AGBL4: variants seen among roughly 807,000 people sequenced by gnomAD.
AGBL4 encodes AGBL carboxypeptidase 4.
Under a neutral mutation model 66.4 loss-of-function variants are expected in AGBL4, and 58 were observed. That is an observed-to-expected ratio of 0.87 (90% CI 0.71 to 1.09). AGBL4 has a LOEUF of 1.09. Ranked by LOEUF, AGBL4 falls within the 50% of genes least tolerant of loss-of-function variation. The pLI is 0.00. For synonymous variants in AGBL4, 234 were observed against 222.9 expected (o/e 1.05, Z -0.44); for missense variants, 579 against 631.0 (o/e 0.92, Z 0.88).
chr1:48,784,311 G>C (rs1645362265), intron 6 of AGBL4, among the ~76,000 whole-genome samples: 1 of 152,052 alleles, frequency 6.6e-6, no homozygotes, highest in African/African-American at 2.4e-5. Context: ...CACAGAGTGG[G>C]GGTGTCCAAT....
intron 3 of AGBL4, among the ~76,000 whole-genome samples, chr1:49,501,082 T>C (rs1648110714): frequency 6.6e-6 from 1 of 152,128 alleles, no homozygotes; most frequent in Admixed American, 6.6e-5. Context: ...TAGAGATCTT[T>C]CACCTTCTTG....
chr1:49,575,868 C>G (rs1571084273), intron 3 of AGBL4, among the ~76,000 whole-genome samples: 1 of 152,180 alleles, frequency 6.6e-6, no homozygotes, highest in Non-Finnish European at 1.5e-5. Context: ...GTGTCATAAT[C>G]TTATTTGGAG....
At chr1:49,328,769 A>G (rs766051673) in intron 3 of AGBL4, among the ~76,000 whole-genome samples, 1 of 152,104 alleles carries the variant, frequency 6.6e-6, no homozygotes, top group African/African-American at 2.4e-5. Flanking sequence ...GTGAATAGCC[A>G]TTCACCCTCC....
chr1:49,907,165 G>C (rs1472931982), intron 1 of AGBL4, among the ~76,000 whole-genome samples: 1 of 151,946 alleles, frequency 6.6e-6, no homozygotes, highest in African/African-American at 2.4e-5. Flanking sequence ...ATATACAAAA[G>C]GTTGTAATTC....
At chr1:49,625,532 C>T (rs1225425549) in intron 3 of AGBL4, among the ~76,000 whole-genome samples, 2 of 152,166 alleles carry the variant, frequency 1.3e-5, no homozygotes, top group Admixed American at 6.5e-5. Flanking sequence ...GTTGGCTTAT[C>T]AAAGAAGCAC....
At chr1:49,377,717 T>C (rs1644501022) in intron 3 of AGBL4, among the ~76,000 whole-genome samples, 1 of 152,042 alleles carries the variant, frequency 6.6e-6, no homozygotes, top group Non-Finnish European at 1.5e-5. Context: ...CCCCAAATAC[T>C]AAGAAGCAAT....
intron 5 of AGBL4, among the ~76,000 whole-genome samples, chr1:49,021,274 C>T (rs1014900833): frequency 6.6e-6 from 1 of 152,144 alleles, no homozygotes; most frequent in Non-Finnish European, 1.5e-5. Flanking sequence ...TAATCGCAAC[C>T]TATTTTTAAT....
intron 3 of AGBL4, among the ~76,000 whole-genome samples, chr1:49,575,007 C>T (rs959821276): frequency 4.6e-5 from 7 of 152,090 alleles, no homozygotes; most frequent in Admixed American, 1.3e-4. Context: ...AAGGGGAAGT[C>T]GGGTCCCCTT....
chr1:49,302,605 AT>A lies in AGBL4; in HGVS notation c.283-56742del, dbSNP rs1229648131. Among the ~76,000 whole-genome samples the A allele has an allele frequency of 3.3e-3, 282 of 84,466 alleles. 2 individuals carry two copies. The highest frequency in any genetic ancestry group is 5.8e-3 in the Non-Finnish European group (196 of 33,798). 55.4% of individuals were successfully genotyped at this position (84,466 alleles called of 152,430 possible). ...TTTATTTTATTTTATATTTTATTTT[AT>A]TTTTTTATTTTATTTTATTTTATTT... On this transcript the variant is annotated intron_variant, in intron 3 of 13. Coordinates refer to ENST00000371839, the MANE Select transcript of AGBL4 (RefSeq NM_032785.4).
chr1:49,625,713 GA>G (rs1167743738), intron 3 of AGBL4, among the ~76,000 whole-genome samples: 3 of 152,148 alleles, frequency 2.0e-5, no homozygotes, highest in Non-Finnish European at 4.4e-5. Flanking sequence ...TGAGCTTTCA[GA>G]AAAAAGAGAA....
intron 3 of AGBL4, among the ~76,000 whole-genome samples, chr1:49,509,906 G>GTGC (rs1649052203): frequency 1.3e-5 from 2 of 151,972 alleles, no homozygotes; most frequent in South Asian, 4.2e-4. Context: ...TAAATATTAG[G>GTGC]TGCTGCTGCT....
At chr1:50,013,282 G>A (rs950781615) in intron 1 of AGBL4, among the ~76,000 whole-genome samples, 1 of 152,148 alleles carries the variant, frequency 6.6e-6, no homozygotes, top group Non-Finnish European at 1.5e-5. Context: ...ATAAGATCAT[G>A]AGTCCTTCCT....
At chr1:49,456,719 G>A (rs559249414) in intron 3 of AGBL4, among the ~76,000 whole-genome samples, 15 of 151,326 alleles carry the variant, frequency 9.9e-5, no homozygotes, top group Non-Finnish European at 1.3e-4. Context: ...TTTATCCCTC[G>A]CCCCGCTCCT....
At chr1:49,120,582 T>C (rs1645632389) in intron 4 of AGBL4, among the ~76,000 whole-genome samples, 1 of 152,224 alleles carries the variant, frequency 6.6e-6, no homozygotes, top group Non-Finnish European at 1.5e-5. Flanking sequence ...TCTGATGGGT[T>C]TCCCTTTGTG....
intron 3 of AGBL4, among the ~76,000 whole-genome samples, chr1:49,408,236 A>G (rs994827387): frequency 2.6e-5 from 4 of 152,234 alleles, no homozygotes; most frequent in East Asian, 1.9e-4. Context: ...GTAACAATTC[A>G]TGAACCAAAA....
chr1:48,610,899 T>C (rs960695540), intron 9 of AGBL4, among the ~76,000 whole-genome samples: 1 of 152,066 alleles, frequency 6.6e-6, no homozygotes, highest in Non-Finnish European at 1.5e-5. Context: ...GGGCATCAAA[T>C]ACAACTGAAC....
intron 2 of AGBL4, among the ~76,000 whole-genome samples, chr1:49,841,306 C>G (rs1190710520): frequency 6.6e-6 from 1 of 152,112 alleles, no homozygotes; most frequent in East Asian, 1.9e-4. Context: ...AACTGGTTAA[C>G]TGAGGCAACT....
intron 5 of AGBL4, among the ~76,000 whole-genome samples, chr1:48,884,028 C>G (rs1018575767): frequency 1.3e-4 from 20 of 152,314 alleles, no homozygotes; most frequent in African/African-American, 4.8e-4. Flanking sequence ...TCCTAGCCTG[C>G]TACTCTACAA....
intron 1 of AGBL4, among the ~76,000 whole-genome samples, chr1:49,928,926 C>A (rs1312857378): frequency 6.6e-6 from 1 of 151,816 alleles, no homozygotes; most frequent in Non-Finnish European, 1.5e-5. Flanking sequence ...AGCTGACCAT[C>A]AATTATGGAT....
Sources: allele counts gnomAD v4.1 joint callset (sites outside exome capture counted in the v4.1 genomes callset), GRCh38; gene constraint gnomAD v4.1.1; transcripts MANE v1.5; gene names NCBI Gene and HGNC (gene_info 2026-07-23, HGNC 2026-07-21).